The following DCC variants were observed in gnomAD, a reference collection of about 807,000 sequenced individuals.
DCC encodes DCC netrin 1 receptor, also known as netrin receptor DCC.
A neutral mutation model predicts 172.5 loss-of-function variants in DCC; 58 were observed. The observed-to-expected ratio is 0.34, with a 90% confidence interval of 0.27 to 0.42. The LOEUF (loss-of-function observed/expected upper bound fraction) is 0.42. DCC is among the 10% of genes least tolerant of loss of function. The pLI is 1.00. For synonymous variants in DCC, 709 were observed against 644.5 expected (o/e 1.10, Z -1.52); for missense variants, 1,740 against 1,791.0 (o/e 0.97, Z 0.51).
intron 27 of DCC, among the ~76,000 whole-genome samples, chr18:53,519,339 C>T (rs866939740): frequency 3.9e-4 from 59 of 152,096 alleles, no homozygotes; most frequent in Middle Eastern, 3.4e-3. Context: ...GTATAGATCA[C>T]ACACAGTTTA....
intron 23 of DCC, 42 bp downstream of exon 23, chr18:53,450,704 T>C (rs1434319481): frequency 1.3e-6 from 2 of 1,517,758 alleles, no homozygotes; most frequent in Non-Finnish European, 1.8e-6. Flanking sequence ...AGTCATTGTC[T>C]TTTGGGGTTA....
chr18:53,436,225 T>C (rs1911931076), intron 22 of DCC, among the ~76,000 whole-genome samples: 1 of 152,238 alleles, frequency 6.6e-6, no homozygotes, highest in Non-Finnish European at 1.5e-5. Flanking sequence ...TATTGTATCC[T>C]GCTACAACTT....
chr18:53,009,634 G>A (rs2041698504), intron 5 of DCC, among the ~76,000 whole-genome samples: 1 of 151,914 alleles, frequency 6.6e-6, no homozygotes, highest in Non-Finnish European at 1.5e-5. Flanking sequence ...GGTCATGGAT[G>A]GCGGCATAAG....
chr18:53,343,533 A>G (rs1298165930), intron 15 of DCC, among the ~76,000 whole-genome samples: 1 of 151,238 alleles, frequency 6.6e-6, no homozygotes, highest in African/African-American at 2.4e-5. Flanking sequence ...TCCTTTTCTT[A>G]TGTTGTTTAA....
intron 1 of DCC, among the ~76,000 whole-genome samples, chr18:52,529,571 T>G (rs1219583485): frequency 1.3e-5 from 2 of 152,336 alleles, no homozygotes; most frequent in Non-Finnish European, 2.9e-5. Flanking sequence ...ATTACAGGCG[T>G]GAGCCACCGG....
chr18:52,792,528 C>A (rs2037790495), intron 2 of DCC, among the ~76,000 whole-genome samples: 1 of 152,182 alleles, frequency 6.6e-6, no homozygotes, highest in Non-Finnish European at 1.5e-5. Flanking sequence ...CAGCCCCATA[C>A]AATGGCTACG....
At chr18:53,136,008 T>A (rs1465519698) in intron 7 of DCC, among the ~76,000 whole-genome samples, 1 of 152,170 alleles carries the variant, frequency 6.6e-6, no homozygotes, top group Non-Finnish European at 1.5e-5. Context: ...TGAGAGCCAT[T>A]CACTGCATAC....
At chr18:52,688,055 G>T (rs2035869778) in intron 1 of DCC, among the ~76,000 whole-genome samples, 1 of 151,818 alleles carries the variant, frequency 6.6e-6, no homozygotes, top group Admixed American at 6.6e-5. Flanking sequence ...ATTTCCTTTA[G>T]TGCACTGTTA....
chr18:52,802,047 C>A (rs1427879680), intron 2 of DCC, among the ~76,000 whole-genome samples: 1 of 151,346 alleles, frequency 6.6e-6, no homozygotes, highest in Admixed American at 6.6e-5. Flanking sequence ...TTATCAACAT[C>A]CCTCTGAGCA....
At chr18:53,047,459 AT>A (rs2042268179) in intron 5 of DCC, among the ~76,000 whole-genome samples, 1 of 104,548 alleles carries the variant, frequency 9.6e-6, no homozygotes, top group Non-Finnish European at 1.9e-5. Context: ...ATATATATAT[AT>A]ATACCATTTT....
chr18:53,226,948 A>ATATATATATATTTTTTTTTTTTTTTTTTT, intron 12 of DCC, among the ~76,000 whole-genome samples: 1 of 52,950 alleles, frequency 1.9e-5, no homozygotes, highest in Non-Finnish European at 4.0e-5. Context: ...ATATATATAT[A>ATATATATATATTTTTTTTTTTTTTTTTTT]TTTTTTTTTT....
At chr18:53,068,511 T>C (rs1486066854) in intron 7 of DCC, among the ~76,000 whole-genome samples, 2 of 146,692 alleles carry the variant, frequency 1.4e-5, no homozygotes, top group Non-Finnish European at 3.0e-5. Context: ...ACAGGAGAAT[T>C]GTAGGTGAGT....
chr18:52,406,167 C>T (rs377033441), intron 1 of DCC, among the ~76,000 whole-genome samples: 4 of 149,912 alleles, frequency 2.7e-5, no homozygotes, highest in African/African-American at 9.8e-5. Context: ...ATACAAAAAT[C>T]AATTCAAGTT....
At chr18:52,427,835 T>TCTTCCTTCCTTCCTTTCTTCCTTC (rs1987487777) in intron 1 of DCC, among the ~76,000 whole-genome samples, 39 of 46,038 alleles carry the variant, frequency 8.5e-4, no homozygotes, top group African/African-American at 2.3e-3. Context: ...TTCCTTCCTT[T>TCTTCCTTCCTTCCTTTCTTCCTTC]CTTCCTTCCT....
At chr18:53,423,209 T>A (rs1486158980) in intron 21 of DCC, among the ~76,000 whole-genome samples, 1 of 152,180 alleles carries the variant, frequency 6.6e-6, no homozygotes, top group African/African-American at 2.4e-5. Flanking sequence ...CAAATAAAAT[T>A]CCATAAACAG....
intron 5 of DCC, among the ~76,000 whole-genome samples, chr18:53,000,997 C>A (rs2041557367): frequency 6.6e-6 from 1 of 151,922 alleles, no homozygotes; most frequent in South Asian, 2.1e-4. Context: ...TACTGTGCAT[C>A]TCTTCCCAAC....
intron 21 of DCC, among the ~76,000 whole-genome samples, chr18:53,417,484 G>A (rs1910385111): frequency 6.6e-6 from 1 of 152,078 alleles, no homozygotes; most frequent in Admixed American, 6.6e-5. Flanking sequence ...TTATCACTTG[G>A]CATGTATTTA....
intron 12 of DCC, among the ~76,000 whole-genome samples, chr18:53,222,262 T>G (rs1162292322): frequency 6.6e-6 from 1 of 152,190 alleles, no homozygotes; most frequent in Non-Finnish European, 1.5e-5. Context: ...AAGAATACTC[T>G]GCAAATTTGC....
At chr18:53,439,222 C>T (rs1237395754) in intron 22 of DCC, among the ~76,000 whole-genome samples, 1 of 151,408 alleles carries the variant, frequency 6.6e-6, no homozygotes, top group Non-Finnish European at 1.5e-5. Flanking sequence ...AGCAAATCAG[C>T]AAAGGCATCT....
Sources: allele counts gnomAD v4.1 joint callset (sites outside exome capture counted in the v4.1 genomes callset), GRCh38; gene constraint gnomAD v4.1.1; transcripts MANE v1.5; gene names NCBI Gene and HGNC (gene_info 2026-07-23, HGNC 2026-07-21).